COG6: variants seen among roughly 807,000 people sequenced by gnomAD.
COG6 encodes the protein component of oligomeric golgi complex 6.
Under a neutral mutation model 88.8 loss-of-function variants are expected in COG6, and 74 were observed. The observed-to-expected ratio is 0.83, with a 90% CI of 0.69 to 1.01. COG6 has a LOEUF of 1.01. Ranked by LOEUF, COG6 falls within the 50% of genes least tolerant of loss-of-function variation. COG6 has a pLI of 0.00. For synonymous variants in COG6, 286 were observed against 278.7 expected, an observed-to-expected ratio of 1.03 and a Z score of -0.26; for missense variants, 800 against 797.9, an observed-to-expected ratio of 1.00 and a Z score of -0.03.
At chr13:39,737,495 G>A (rs1879825613) in intron 18 of COG6, among the ~76,000 whole-genome samples, 1 of 150,070 alleles carries the variant, frequency 6.7e-6, no homozygotes, top group African/African-American at 2.5e-5. Context: ...TATTATATGT[G>A]GTGTTCTGTT....
intron 18 of COG6, among the ~76,000 whole-genome samples, 194 bp downstream of exon 18, chr13:39,727,742 T>C (rs1442614948): frequency 6.6e-6 from 1 of 152,174 alleles, no homozygotes; most frequent in Admixed American, 6.5e-5. Flanking sequence ...CATGTCTATA[T>C]GTCACTCCAA....
chr13:39,719,274 A>C lies in COG6; in HGVS notation c.1323A>C (p.Ala441=), dbSNP rs147563535. The C allele has an allele frequency of 1.2e-6, 2 of 1,612,848 alleles. No homozygotes were observed. Among genetic ancestry groups the C allele is most frequent in the Non-Finnish European group, 1.7e-6 (2 of 1,179,160 alleles). ...LPPPDLGPSS[A]LNQTLMLLRE... ...CACCTGATCTTGGACCAAGTTCTGCACTAAATCAGACACTCATGTTGCTGC... is the reference window on the plus strand; with the variant it reads ...CACCTGATCTTGGACCAAGTTCTGCCCTAAATCAGACACTCATGTTGCTGC... Residue 441 remains alanine (A), a synonymous_variant, in exon 14 of 19, where the codon GCA becomes GCC. Coordinates refer to ENST00000455146, the MANE Select transcript of COG6 (RefSeq NM_020751.3).
At chr13:39,701,055 A>G (rs1002882773) in intron 13 of COG6, among the ~76,000 whole-genome samples, 1 of 151,900 alleles carries the variant, frequency 6.6e-6, no homozygotes, top group African/African-American at 2.4e-5. Flanking sequence ...TGGGGAGGCT[A>G]GGTTGGAAAT....
chr13:39,707,691 A>G (rs911514161), intron 13 of COG6, among the ~76,000 whole-genome samples: 2 of 152,190 alleles, frequency 1.3e-5, no homozygotes, highest in South Asian at 2.1e-4. Context: ...CTGACTTAAC[A>G]TATCTGTAAG....
intron 18 of COG6, among the ~76,000 whole-genome samples, chr13:39,740,877 T>C (rs1880006886): frequency 6.6e-6 from 1 of 152,172 alleles, no homozygotes; most frequent in African/African-American, 2.4e-5. Flanking sequence ...CGCCTTTTTT[T>C]CTCCTGTGGC....
rs75637646 is a variant in COG6, at chr13:39,717,282, G to A, written c.1285-1954G>A. 5.8e-3 allele frequency among the ~76,000 whole-genome samples: 879 copies of A among 152,022 alleles called. 8 individuals carry two copies. The highest frequency in any genetic ancestry group is 0.02 in the African/African-American group (810 of 41,458). On this transcript the variant is annotated intron_variant, in intron 13 of 18. Transcript: ENST00000455146. ...TCTTTTGACAGTTTGATTATGATGT[G>A]TGTTACTGTAGGTCTCTTGAGTTTA... is the stretch of plus-strand genomic sequence containing the variant.
At chr13:39,789,423 C>T (rs1449971508) in exon 19 of COG6, 1 of 152,182 alleles carries the variant, frequency 6.6e-6, no homozygotes, top group East Asian at 1.9e-4. Context: ...TCACTACGTT[C>T]AATTCTTTGC....
At chr13:39,738,830 A>C (rs943652081) in intron 18 of COG6, among the ~76,000 whole-genome samples, 1 of 152,174 alleles carries the variant, frequency 6.6e-6, no homozygotes, top group African/African-American at 2.4e-5. Flanking sequence ...TAATACATGA[A>C]GTAAATATAG....
chr13:39,783,630 A>G (rs1164394990), intron 18 of COG6, among the ~76,000 whole-genome samples: 3 of 152,186 alleles, frequency 2.0e-5, no homozygotes, highest in African/African-American at 7.2e-5. Context: ...GAGGCCTGTT[A>G]GACTACACAC....
chr13:39,664,095 C>CT (rs1875089081), intron 3 of COG6: 1 of 154,654 alleles, frequency 6.5e-6, no homozygotes, highest in Admixed American at 6.5e-5. Flanking sequence ...AGGATTAGGC[C>CT]TCTAAGAACC....
intron 13 of COG6, among the ~76,000 whole-genome samples, chr13:39,706,277 A>ATATACTCC (rs1566188170): frequency 2.1e-5 from 3 of 141,978 alleles, no homozygotes; most frequent in African/African-American, 5.1e-5. Context: ...ATATATATAT[A>ATATACTCC]TTTAAATATA....
chr13:39,756,965 G>A (rs1429326574), downstream of COG6, among the ~76,000 whole-genome samples: 1 of 152,052 alleles, frequency 6.6e-6, no homozygotes, highest in Non-Finnish European at 1.5e-5. Flanking sequence ...CGAACACTCA[G>A]TAGCTATTCT....
chr13:39,754,013 G>C (rs1471998421), downstream of COG6, among the ~76,000 whole-genome samples: 2 of 152,218 alleles, frequency 1.3e-5, no homozygotes, highest in East Asian at 3.9e-4. Context: ...AGATTCTTCT[G>C]TATCTCTATT....
intron 18 of COG6, among the ~76,000 whole-genome samples, chr13:39,772,926 C>T (rs1384258906): frequency 2.6e-5 from 4 of 152,158 alleles, no homozygotes; most frequent in East Asian, 1.9e-4. Context: ...TATCTTCTTT[C>T]GGAACATTTG....
Position 39,687,790 on chromosome 13 carries a change from A to T in COG6, c.1000A>T (p.Thr334Ser). 6.2e-7 allele frequency: 1 copy of T among 1,612,340 alleles called. No homozygotes were observed. Among genetic ancestry groups the T allele is most frequent in the Non-Finnish European group, 8.5e-7 (1 of 1,178,478 alleles). Residue 334 changes from threonine (T) to serine (S), a missense_variant, in exon 10 of 19, where the codon ACT (threonine) becomes TCT (serine). By Grantham distance (58) the Thr-to-Ser change is moderately conservative. Transcript: ENST00000455146. ...EHLEALLKHV[T>S]TQGVEENIQE... ...CCTTGAAGCTCTCTTAAAGCATGTA[A>T]CTACACAAGGTGGGTCCACCAATTG...
At chr13:39,676,874 G>C (rs149136040) in intron 4 of COG6, among the ~76,000 whole-genome samples, 2 of 152,194 alleles carry the variant, frequency 1.3e-5, no homozygotes, top group Non-Finnish European at 2.9e-5. Context: ...CCGTCAGCTA[G>C]TTTAGATAGG....
At position 39,661,938 on chromosome 13, in the gene COG6, T is replaced by C. The variant is rs181346697; in HGVS notation, c.369+1057T>C. 9.9e-5 allele frequency among the ~76,000 whole-genome samples: 15 copies of C among 151,914 alleles called. No homozygotes were observed. In the East Asian group the frequency reaches 2.1e-3, roughly 21 times the overall value. The stretch of plus-strand genomic sequence containing the variant: ...GTTTTTTAAATAACATTATGCTTTG[T>C]TATATTAGACTACTCAGTTTCTGAT... On this transcript the variant is annotated intron_variant, in intron 3 of 18. Transcript: ENST00000455146.
chr13:39,656,261 A>G (rs1009488986), intron 1 of COG6: 9 of 462,150 alleles, frequency 1.9e-5, no homozygotes, highest in Non-Finnish European at 3.5e-5. Context: ...GCAAAAGAGC[A>G]GATTCCAAGA....
At chr13:39,687,919 C>T in intron 10 of COG6, 120 bp downstream of exon 10, 1 of 727,684 alleles carries the variant, frequency 1.4e-6, no homozygotes, top group Admixed American at 2.0e-5. Flanking sequence ...CAATAAGCAT[C>T]CTGATTACTC....
Sources: gnomAD v4.1 joint callset for allele counts (sites outside exome capture counted in the v4.1 genomes callset) on GRCh38, gnomAD v4.1.1 for gene constraint, MANE v1.5 for transcripts, NCBI Gene and HGNC (gene_info 2026-07-23, HGNC 2026-07-21) for gene names.